The following FHIT variants were observed in gnomAD, a reference collection of about 807,000 sequenced individuals.
FHIT encodes the protein bis(5'-adenosyl)-triphosphatase.
A neutral mutation model predicts 17.9 loss-of-function variants in FHIT; 19 were observed. The ratio of observed to expected loss-of-function variants is 1.06; its 90% CI spans 0.74 to 1.56. The LOEUF is 1.56. Among genes scored for constraint, FHIT ranks in the 40% most tolerant of loss-of-function variants. The probability of loss-of-function intolerance (pLI) is 0.00; values close to 1 mark genes in which losing one functional copy is unlikely to be tolerated. For missense variants in FHIT, 248 were observed against 189.2 expected, an observed-to-expected ratio of 1.31 and a Z score of -1.82; for synonymous variants, 81 against 69.7, an observed-to-expected ratio of 1.16 and a Z score of -0.81.
chr3:60,048,472 G>T (rs373880313), intron 5 of FHIT, among the ~76,000 whole-genome samples: 24 of 152,096 alleles, frequency 1.6e-4, no homozygotes, highest in Non-Finnish European at 3.4e-4. Context: ...CTCTACGACC[G>T]GCCTTAAGTT....
At chr3:60,398,341 G>A (rs2107180235) in intron 5 of FHIT, among the ~76,000 whole-genome samples, 1 of 152,252 alleles carries the variant, frequency 6.6e-6, no homozygotes, top group African/African-American at 2.4e-5. Context: ...TAGAAAGGGA[G>A]AGGAAATAAA....
chr3:61,076,660 A>G (rs1347853), intron 2 of FHIT, among the ~76,000 whole-genome samples: 37,296 of 152,118 alleles, frequency 0.25, 5,719 homozygotes, highest in African/African-American at 0.43. Flanking sequence ...TCTTGTGTAT[A>G]TTGTTTCTAA....
intron 8 of FHIT, among the ~76,000 whole-genome samples, chr3:59,754,014 A>G (rs929964422): frequency 2.0e-5 from 3 of 151,874 alleles, no homozygotes; most frequent in African/African-American, 4.9e-5. Context: ...ACTCAGCAAA[A>G]AGTCTATCAA....
At chr3:60,109,345 G>T (rs562871698) in intron 5 of FHIT, among the ~76,000 whole-genome samples, 1 of 152,086 alleles carries the variant, frequency 6.6e-6, no homozygotes, top group African/African-American at 2.4e-5. Flanking sequence ...GTCATCTCAC[G>T]CATCTCAGAG....
At chr3:60,269,620 T>C (rs182214372) in intron 5 of FHIT, among the ~76,000 whole-genome samples, 1 of 152,214 alleles carries the variant, frequency 6.6e-6, no homozygotes, top group African/African-American at 2.4e-5. Context: ...AGGTAGGCAG[T>C]CTTTTATCTA....
chr3:60,192,783 T>G (rs1473489943), intron 5 of FHIT, among the ~76,000 whole-genome samples: 1 of 152,208 alleles, frequency 6.6e-6, no homozygotes, highest in Non-Finnish European at 1.5e-5. Flanking sequence ...AAAGCAGAAC[T>G]GATAACTACA....
chr3:60,789,379 A>G (rs1553727938), intron 4 of FHIT, among the ~76,000 whole-genome samples: 1 of 152,072 alleles, frequency 6.6e-6, no homozygotes, highest in Non-Finnish European at 1.5e-5. Context: ...TTAGCTGCGC[A>G]TGGTGGTGCA....
chr3:60,582,517 T>A (rs1325897554), intron 4 of FHIT, among the ~76,000 whole-genome samples: 1 of 152,114 alleles, frequency 6.6e-6, no homozygotes, highest in South Asian at 2.1e-4. Context: ...AAGAAATGAA[T>A]GCGGATACAA....
At chr3:60,251,027 G>A (rs1202203443) in intron 5 of FHIT, among the ~76,000 whole-genome samples, 4 of 152,148 alleles carry the variant, frequency 2.6e-5, no homozygotes, top group African/African-American at 9.7e-5. Context: ...TGGGAGATGT[G>A]CAAACAAACT....
At chr3:61,141,215 G>A (rs2037072033) in intron 2 of FHIT, among the ~76,000 whole-genome samples, 1 of 151,982 alleles carries the variant, frequency 6.6e-6, no homozygotes, top group Non-Finnish European at 1.5e-5. Context: ...CCTGCTTGGT[G>A]GCATCTTTTT....
At chr3:60,023,628 A>G (rs1225247940) in intron 5 of FHIT, among the ~76,000 whole-genome samples, 5 of 152,216 alleles carry the variant, frequency 3.3e-5, no homozygotes, top group African/African-American at 1.2e-4. Flanking sequence ...AAAAGTAGCC[A>G]AACTATAAAT....
chr3:59,863,174 A>T (rs1702482173), intron 8 of FHIT, among the ~76,000 whole-genome samples: 1 of 152,184 alleles, frequency 6.6e-6, no homozygotes, highest in African/African-American at 2.4e-5. Flanking sequence ...TCTCCATGCC[A>T]ATGCAGTTAC....
At chr3:60,506,725 T>C (rs1473632985) in intron 5 of FHIT, among the ~76,000 whole-genome samples, 2 of 152,102 alleles carry the variant, frequency 1.3e-5, no homozygotes, top group African/African-American at 2.4e-5. Flanking sequence ...ATGTTCCAGA[T>C]AGGGGCTGCT....
intron 7 of FHIT, among the ~76,000 whole-genome samples, chr3:59,946,648 T>G (rs1007411390): frequency 2.6e-5 from 4 of 152,238 alleles, no homozygotes; most frequent in African/African-American, 9.6e-5. Flanking sequence ...TGATGTTGGC[T>G]ATGGATTTGT....
At chr3:59,947,685 C>A (rs973228835) in intron 7 of FHIT, among the ~76,000 whole-genome samples, 1 of 152,070 alleles carries the variant, frequency 6.6e-6, no homozygotes, top group Admixed American at 6.5e-5. Flanking sequence ...TTGTTCTCTG[C>A]CCCTCAAGGT....
intron 5 of FHIT, among the ~76,000 whole-genome samples, chr3:60,149,275 G>C (rs1448597205): frequency 6.6e-6 from 1 of 151,794 alleles, no homozygotes; most frequent in South Asian, 2.1e-4. Flanking sequence ...CTCAAAGAGA[G>C]AATTTTGTAT....
chr3:60,786,082 A>T (rs782388019), intron 4 of FHIT, among the ~76,000 whole-genome samples: 24 of 152,200 alleles, frequency 1.6e-4, no homozygotes, highest in Non-Finnish European at 2.5e-4. Context: ...AAATCAGAAT[A>T]AAAAAGCAAT....
Position 60,725,769 on chromosome 3 carries a change from G to T in FHIT, c.-18+96150C>A, listed in dbSNP as rs547915364. On this transcript the variant is annotated intron_variant, in intron 4 of 9. Transcript: ENST00000492590. ...CTGCTAATAATAATAGTAACTAGCA[G>T]ATATTTTGTACTTAGTATGTGCCAG... 3.9e-4 allele frequency among the ~76,000 whole-genome samples: 59 copies of T among 152,270 alleles called. No homozygotes were observed. In the Middle Eastern group the frequency reaches 0.01, roughly 26 times the overall value.
At chr3:60,745,329 T>C (rs1322786174) in intron 4 of FHIT, among the ~76,000 whole-genome samples, 1 of 152,144 alleles carries the variant, frequency 6.6e-6, no homozygotes, top group Non-Finnish European at 1.5e-5. Flanking sequence ...TCAAAGGCCT[T>C]GCCGTGAGGC....
Sources: allele counts gnomAD v4.1 joint callset (sites outside exome capture counted in the v4.1 genomes callset), GRCh38; gene constraint gnomAD v4.1.1; transcripts MANE v1.5; gene names NCBI Gene and HGNC (gene_info 2026-07-23, HGNC 2026-07-21).